DLG2: variants seen among roughly 807,000 people sequenced by gnomAD.
The protein encoded by DLG2 is discs large MAGUK scaffold protein 2, also known as disks large homolog 2.
Under a neutral mutation model 132.5 loss-of-function variants are expected in DLG2, and 45 were observed. The ratio of observed to expected loss-of-function variants is 0.34; its 90% CI spans 0.27 to 0.44. The LOEUF is 0.44. DLG2 is among the 20% of genes least tolerant of loss of function. DLG2 has a pLI of 1.00. For missense variants in DLG2, 1,045 were observed against 1,196.9 expected (o/e 0.87, Z 1.87); for synonymous variants, 424 against 419.6 (o/e 1.01, Z -0.13).
chr11:85,506,949 T>A (rs550454031), intron 3 of DLG2, among the ~76,000 whole-genome samples: 1 of 152,356 alleles, frequency 6.6e-6, no homozygotes, highest in Admixed American at 6.5e-5. Context: ...TCTTGTCGAA[T>A]TGATCCCTTT....
chr11:85,351,368 T>C (rs2083274006), intron 3 of DLG2, among the ~76,000 whole-genome samples: 1 of 152,228 alleles, frequency 6.6e-6, no homozygotes, highest in African/African-American at 2.4e-5. Flanking sequence ...AGGGACAATT[T>C]CACTTCCTCA....
chr11:84,846,900 A>G (rs2081545831), intron 6 of DLG2, among the ~76,000 whole-genome samples: 1 of 152,122 alleles, frequency 6.6e-6, no homozygotes, highest in South Asian at 2.1e-4. Flanking sequence ...ATTTTTTTAT[A>G]TGTGAGAAGG....
chr11:84,275,689 A>G (rs1440421838), intron 7 of DLG2, among the ~76,000 whole-genome samples: 3 of 152,340 alleles, frequency 2.0e-5, no homozygotes, highest in East Asian at 3.9e-4. Context: ...GGACAAATGA[A>G]TACATCAGAT....
chr11:84,868,734 A>G (rs2085016289), intron 6 of DLG2, among the ~76,000 whole-genome samples: 1 of 152,204 alleles, frequency 6.6e-6, no homozygotes, highest in African/African-American at 2.4e-5. Context: ...AGAGATCTGT[A>G]GCTCAGCGAC....
At chr11:84,986,124 T>G (rs2056460076) in intron 6 of DLG2, among the ~76,000 whole-genome samples, 1 of 150,934 alleles carries the variant, frequency 6.6e-6, no homozygotes, top group Non-Finnish European at 1.5e-5. Context: ...TGAGAGATAT[T>G]ACAACTGACA....
intron 3 of DLG2, among the ~76,000 whole-genome samples, chr11:85,433,706 C>A (rs1052739559): frequency 6.6e-6 from 1 of 152,158 alleles, no homozygotes; most frequent in Non-Finnish European, 1.5e-5. Context: ...TAGACTCCCA[C>A]ACAAGAATAT....
intron 8 of DLG2, among the ~76,000 whole-genome samples, chr11:84,244,715 T>C (rs754720627): frequency 2.0e-5 from 3 of 152,176 alleles, no homozygotes; most frequent in Non-Finnish European, 2.9e-5. Flanking sequence ...ACATTAACAA[T>C]ATAGTTTTAA....
At chr11:84,665,951 T>C (rs899837510) in intron 6 of DLG2, among the ~76,000 whole-genome samples, 1 of 152,188 alleles carries the variant, frequency 6.6e-6, no homozygotes, top group Non-Finnish European at 1.5e-5. Flanking sequence ...GTTCACATTA[T>C]AAACTATAAA....
At chr11:85,126,851 C>T (rs777109923) in intron 5 of DLG2, among the ~76,000 whole-genome samples, 106 of 152,174 alleles carry the variant, frequency 7.0e-4, no homozygotes, top group Non-Finnish European at 1.4e-3. Flanking sequence ...ATTCTTAAAA[C>T]AACGCTGTGA....
At chr11:84,771,916 A>T (rs1279041830) in intron 6 of DLG2, among the ~76,000 whole-genome samples, 2 of 152,174 alleles carry the variant, frequency 1.3e-5, no homozygotes, top group Non-Finnish European at 2.9e-5. Context: ...GCATTTCTAA[A>T]CACAAATAAC....
chr11:84,018,129 C>CT (rs1363196748), intron 11 of DLG2, among the ~76,000 whole-genome samples: 2 of 151,428 alleles, frequency 1.3e-5, no homozygotes, highest in African/African-American at 2.4e-5. Context: ...TTTTTCTTTT[C>CT]TTTTTTTCTG....
At chr11:85,179,714 G>A (rs533525024) in intron 4 of DLG2, among the ~76,000 whole-genome samples, 18 of 151,798 alleles carry the variant, frequency 1.2e-4, no homozygotes, top group East Asian at 7.7e-4. Flanking sequence ...CTTAAATGGC[G>A]GAATAAGTCT....
intron 3 of DLG2, among the ~76,000 whole-genome samples, chr11:85,514,568 C>G (rs1354236809): frequency 6.6e-6 from 1 of 151,908 alleles, no homozygotes; most frequent in Non-Finnish European, 1.5e-5. Flanking sequence ...AAACAGTTAT[C>G]ATTCCTCTAA....
At chr11:84,539,990 A>G (rs916172151) in intron 6 of DLG2, among the ~76,000 whole-genome samples, 3 of 152,138 alleles carry the variant, frequency 2.0e-5, no homozygotes, top group South Asian at 4.1e-4. Flanking sequence ...CTAGCCATAT[A>G]TAGAAAGCTG....
intron 11 of DLG2, among the ~76,000 whole-genome samples, chr11:84,050,074 C>G (rs1020720716): frequency 8.6e-5 from 13 of 151,226 alleles, no homozygotes; most frequent in African/African-American, 2.9e-4. Context: ...AAGACTGAAA[C>G]CAAGTTTTGT....
chr11:84,683,068 C>T (rs908439500), intron 6 of DLG2, among the ~76,000 whole-genome samples: 1 of 152,016 alleles, frequency 6.6e-6, no homozygotes, highest in African/African-American at 2.4e-5. Context: ...TTTATAATGA[C>T]TTAAATATAC....
chr11:85,016,500 C>A (rs1444566081), intron 6 of DLG2, among the ~76,000 whole-genome samples: 1 of 152,040 alleles, frequency 6.6e-6, no homozygotes, highest in Admixed American at 6.6e-5. Flanking sequence ...CCTTTGATTT[C>A]TTTTACTGTG....
chr11:85,251,792 C>A (rs72947975), intron 4 of DLG2, among the ~76,000 whole-genome samples: 1 of 151,696 alleles, frequency 6.6e-6, no homozygotes, highest in Non-Finnish European at 1.5e-5. Context: ...CAATATCATA[C>A]AATATTTTAT....
chr11:83,980,714 C>A, intron 11 of DLG2, 72 bp from the exon 12 acceptor site: 1 of 1,379,232 alleles, frequency 7.3e-7, no homozygotes, highest in Non-Finnish European at 9.5e-7. Context: ...TGCAGTTAGC[C>A]ACATTTTAAC....
Sources: allele counts gnomAD v4.1 joint callset (sites outside exome capture counted in the v4.1 genomes callset), GRCh38; gene constraint gnomAD v4.1.1; transcripts MANE v1.5; gene names NCBI Gene and HGNC (gene_info 2026-07-23, HGNC 2026-07-21).